Variants in NECTIN1 observed in about 807,000 individuals in gnomAD.
NECTIN1 encodes nectin cell adhesion molecule 1.
In NECTIN1, 23 loss-of-function variants were observed where a neutral mutation model predicts 48.0. The observed-to-expected ratio is 0.48, with a 90% CI of 0.34 to 0.68. The LOEUF is 0.68. NECTIN1 is among the 30% of genes least tolerant of loss of function. The pLI is 0.01. For missense variants in NECTIN1, 591 were observed against 709.9 expected (o/e 0.83, Z 1.90); for synonymous variants, 270 against 288.9 (o/e 0.93, Z 0.66).
intron 5 of NECTIN1, chr11:119,642,260 CG>C (rs1864337739): frequency 1.3e-5 from 2 of 152,170 alleles, no homozygotes; most frequent in Admixed American, 1.3e-4. Flanking sequence ...CTGGATGCTA[CG>C]AATTCAGTTT....
intron 1 of NECTIN1, among the ~76,000 whole-genome samples, chr11:119,696,433 C>CG (rs1865342210): frequency 6.6e-6 from 1 of 151,694 alleles, no homozygotes; most frequent in East Asian, 2.0e-4. Flanking sequence ...CGCCCGCCCC[C>CG]TGGGGTGGGG....
At chr11:119,705,349 C>T (rs1228703878) in intron 1 of NECTIN1, among the ~76,000 whole-genome samples, 1 of 152,194 alleles carries the variant, frequency 6.6e-6, no homozygotes, top group Non-Finnish European at 1.5e-5. Context: ...CTTCATGGAA[C>T]TTATGTTCTA....
intron 1 of NECTIN1, among the ~76,000 whole-genome samples, chr11:119,723,650 T>A: frequency 6.6e-6 from 1 of 152,226 alleles, no homozygotes; most frequent in Admixed American, 6.5e-5. Flanking sequence ...TCTCTCCTTG[T>A]GGAATGGGGT....
At chr11:119,675,685 G>A in intron 4 of NECTIN1, 1 of 253,672 alleles carries the variant, frequency 3.9e-6, no homozygotes, top group Non-Finnish European at 7.9e-6. Flanking sequence ...ATGGTTGTTG[G>A]TCCTTGGTCT....
intron 1 of NECTIN1, among the ~76,000 whole-genome samples, chr11:119,705,832 C>T (rs1016323512): frequency 7.2e-5 from 11 of 152,174 alleles, no homozygotes; most frequent in Non-Finnish European, 1.3e-4. Context: ...AGGCCAGAGG[C>T]GGGGCAGGGG....
intron 1 of NECTIN1, among the ~76,000 whole-genome samples, chr11:119,702,246 A>C (rs967615424): frequency 2.6e-5 from 4 of 152,072 alleles, no homozygotes; most frequent in African/African-American, 9.7e-5. Context: ...CAAGGCATTA[A>C]CCTTTCCCAC....
intron 5 of NECTIN1, among the ~76,000 whole-genome samples, chr11:119,650,070 G>A (rs1278327584): frequency 2.6e-5 from 4 of 151,214 alleles, no homozygotes; most frequent in African/African-American, 9.7e-5. Context: ...AAGGGGGGTT[G>A]TTATCTGGCG....
intron 1 of NECTIN1, among the ~76,000 whole-genome samples, chr11:119,716,783 G>C (rs1206917623): frequency 1.3e-5 from 2 of 152,242 alleles, no homozygotes; most frequent in Non-Finnish European, 2.9e-5. Flanking sequence ...GGAGGGGGGT[G>C]AGGGCCCCCT....
intron 1 of NECTIN1, among the ~76,000 whole-genome samples, chr11:119,685,655 C>A (rs1025862319): frequency 1.2e-4 from 19 of 152,188 alleles, no homozygotes; most frequent in Non-Finnish European, 2.6e-4. Flanking sequence ...ATCATGGGGC[C>A]AGTCCTGAGC....
At position 119,665,382 on chromosome 11, in the gene NECTIN1, G is replaced by T; in HGVS notation, c.1004-85C>A. 1.3e-6 allele frequency: 2 copies of T among 1,487,696 alleles called. No individual in the cohort carries two copies. The highest frequency in any genetic ancestry group is 1.3e-5 in the South Asian group (1 of 75,070). 92.2% of individuals were successfully genotyped at this position (1,487,696 alleles called of 1,614,324 possible). A position where few individuals can be genotyped will look rare whatever the true frequency, so the allele number is the denominator to read the frequency against. On this transcript the variant is annotated intron_variant, in intron 5 of 5. Transcript: ENST00000264025. The surrounding 1 kb of genome is among the most constrained non-coding windows in gnomAD (Gnocchi z 5.1). ...GGGTGGGAGGGAGGCAGGGAAAGGA[G>T]AGGCCAGGAAGGACAGGCTGTCTGC...
At chr11:119,658,854 T>C (rs1298016296), downstream of NECTIN1, among the ~76,000 whole-genome samples, 1 of 152,200 alleles carries the variant, frequency 6.6e-6, no homozygotes, top group Admixed American at 6.5e-5. Context: ...AGGATGTGGC[T>C]GTGCTCTTGA....
chr11:119,695,473 A>ATGTG (rs1865326530), intron 1 of NECTIN1, among the ~76,000 whole-genome samples: 2 of 152,190 alleles, frequency 1.3e-5, no homozygotes, highest in East Asian at 1.9e-4. Context: ...ATGAAGACAG[A>ATGTG]CGTGCTCACC....
Position 119,662,002 on chromosome 11 carries a change from G to T in NECTIN1, c.*2745C>A. 3.0e-6 allele frequency: 3 copies of T among 985,276 alleles called. No individual in the cohort carries two copies. The highest frequency in any genetic ancestry group is 3.6e-6 in the Non-Finnish European group (3 of 829,912). 61.0% of individuals were successfully genotyped at this position (985,276 alleles called of 1,614,324 possible). ...CTTCTGATAAAAGGGGACTCGGCTG[G>T]TTCTATTACACATTAGAACAATATC... is the stretch of plus-strand genomic sequence containing the variant. On this transcript the variant is annotated 3_prime_UTR_variant, in exon 6 of 6. Coordinates refer to ENST00000264025, the MANE Select transcript of NECTIN1 (RefSeq NM_002855.5). This position sits in a 1 kb window ranked among gnomAD's most constrained non-coding sequence, Gnocchi z 5.3.
At chr11:119,679,129 A>C (rs1591459915) in intron 1 of NECTIN1, among the ~76,000 whole-genome samples, 1 of 152,246 alleles carries the variant, frequency 6.6e-6, no homozygotes, top group East Asian at 1.9e-4. Context: ...ACTCTGTGTT[A>C]GTAAACATAC....
intron 1 of NECTIN1, among the ~76,000 whole-genome samples, chr11:119,708,732 G>A (rs1042764707): frequency 1.3e-5 from 2 of 152,122 alleles, no homozygotes; most frequent in Non-Finnish European, 2.9e-5. Context: ...CCACTGACTC[G>A]TATACTTCAG....
chr11:119,724,074 G>C (rs995997701), intron 1 of NECTIN1, among the ~76,000 whole-genome samples: 4 of 152,084 alleles, frequency 2.6e-5, no homozygotes, highest in Non-Finnish European at 4.4e-5. Flanking sequence ...TGTCCACCTG[G>C]GCACACACAG....
chr11:119,684,753 T>C lies in NECTIN1; in HGVS notation c.80-5988A>G, dbSNP rs986515659. ...GCTCCGCCTGGGAGAGAGGCCGGTG[T>C]GGAGGAGCGTGCAATCAGGACACCC... On this transcript the variant is annotated intron_variant, in intron 1 of 5. Transcript: ENST00000264025. This position sits in a 1 kb window ranked among gnomAD's most constrained non-coding sequence, Gnocchi z 5.2. Among the ~76,000 whole-genome samples the C allele has an allele frequency of 3.3e-5, 5 of 152,202 alleles. No homozygotes were observed. Among genetic ancestry groups the C allele is most frequent in the Non-Finnish European group, 7.3e-5 (5 of 68,038 alleles).
intron 1 of NECTIN1, among the ~76,000 whole-genome samples, chr11:119,705,570 G>C (rs572607463): frequency 1.3e-5 from 2 of 152,254 alleles, no homozygotes; most frequent in African/African-American, 4.8e-5. Flanking sequence ...GCGGGAGAGC[G>C]TCTGGTAACT....
At position 119,728,694 on chromosome 11, in the gene NECTIN1, CGGGGTGGGCTGGGT is replaced by C. The variant is rs1865962497; in HGVS notation, c.-155_-142del. The C allele has an allele frequency of 1.8e-5, 1 of 54,128 alleles. No homozygotes were observed. The highest frequency in any genetic ancestry group is 7.6e-5 in the African/African-American group (1 of 13,172). The allele number at this position is 54,128 out of a possible 1,614,324, so 3.4% of individuals were successfully genotyped here. A position where few individuals can be genotyped will look rare whatever the true frequency, so the allele number is the denominator to read the frequency against. ...GGTCAGCTGCAGCCGTCGGCCGGGGCGGGGTGGGCTGGGTGGGATCCGCGCGGCCGCAGTCCGGG... is the reference window on the plus strand; with the variant it reads ...GGTCAGCTGCAGCCGTCGGCCGGGGCGGGATCCGCGCGGCCGCAGTCCGGG... On this transcript the variant is annotated 5_prime_UTR_variant, in exon 1 of 6. Transcript: ENST00000264025.
Sources: gnomAD v4.1 joint callset for allele counts (sites outside exome capture counted in the v4.1 genomes callset) on GRCh38, gnomAD v4.1.1 for gene constraint, Gnocchi (gnomAD v3.1) non-coding constraint, MANE v1.5 for transcripts, NCBI Gene and HGNC (gene_info 2026-07-23, HGNC 2026-07-21) for gene names.